The following EPHB1 variants were observed in gnomAD, a reference collection of about 807,000 sequenced individuals.
EPHB1 encodes ephrin type-B receptor 1.
EPHB1 carries 30 observed loss-of-function variants against 94.4 expected under a neutral mutation model. The observed-to-expected ratio is 0.32, with a 90% CI of 0.24 to 0.43. The LOEUF is 0.43. EPHB1 is among the 20% of genes least tolerant of loss of function. The probability of loss-of-function intolerance (pLI) is 1.00; values close to 1 mark genes in which losing one functional copy is unlikely to be tolerated. For missense variants in EPHB1, 1,055 were observed against 1,308.3 expected (o/e 0.81, Z 2.99); for synonymous variants, 522 against 489.1 (o/e 1.07, Z -0.89).
chr3:135,063,702 T>C (rs988888374), intron 3 of EPHB1, among the ~76,000 whole-genome samples: 1 of 152,180 alleles, frequency 6.6e-6, no homozygotes, highest in African/African-American at 2.4e-5. Flanking sequence ...GTCTGATTGC[T>C]CTGGCTAGAA....
chr3:135,192,014 C>T (rs914245582), intron 10 of EPHB1, among the ~76,000 whole-genome samples: 13 of 152,228 alleles, frequency 8.5e-5, no homozygotes, highest in Non-Finnish European at 1.8e-4. Flanking sequence ...TCCGCCCAAT[C>T]CTGCTTCCTC....
At chr3:135,234,494 T>C (rs1943602466) in intron 12 of EPHB1, among the ~76,000 whole-genome samples, 2 of 152,192 alleles carry the variant, frequency 1.3e-5, no homozygotes, top group Admixed American at 1.3e-4. Context: ...TGTTACTCAG[T>C]TCCAAAGTCA....
intron 1 of EPHB1, among the ~76,000 whole-genome samples, chr3:134,898,045 G>A (rs2038120667): frequency 6.6e-6 from 1 of 152,124 alleles, no homozygotes; most frequent in Admixed American, 6.5e-5. Context: ...ATAAATCAAT[G>A]TTATCTCTTG....
intron 3 of EPHB1, among the ~76,000 whole-genome samples, chr3:135,087,944 C>A (rs1938418720): frequency 6.6e-6 from 1 of 152,166 alleles, no homozygotes; most frequent in East Asian, 1.9e-4. Context: ...TACCCAGCAG[C>A]CACATCCATG....
At chr3:134,878,051 A>T (rs2037653648) in intron 1 of EPHB1, among the ~76,000 whole-genome samples, 1 of 152,018 alleles carries the variant, frequency 6.6e-6, no homozygotes, top group Admixed American at 6.5e-5. Context: ...CATGGAGATT[A>T]CCCCAGCCTT....
chr3:134,819,091 G>T (rs2036329988), intron 1 of EPHB1, among the ~76,000 whole-genome samples: 1 of 152,134 alleles, frequency 6.6e-6, no homozygotes, highest in African/African-American at 2.4e-5. Context: ...GATAGAAAGG[G>T]GTCTAAACAT....
intron 3 of EPHB1, among the ~76,000 whole-genome samples, chr3:134,974,076 G>T (rs1934088053): frequency 6.6e-6 from 1 of 152,128 alleles, no homozygotes; most frequent in Non-Finnish European, 1.5e-5. Flanking sequence ...TGGGCTGGAG[G>T]AATATCCCAT....
chr3:134,872,819 A>T (rs893022127), intron 1 of EPHB1, among the ~76,000 whole-genome samples: 10 of 152,220 alleles, frequency 6.6e-5, no homozygotes, highest in Middle Eastern at 3.4e-3. Context: ...CAGACTGGGC[A>T]CTCCACGAGG....
intron 3 of EPHB1, among the ~76,000 whole-genome samples, chr3:135,073,142 G>C (rs1937784435): frequency 1.3e-5 from 2 of 151,090 alleles, no homozygotes; most frequent in Admixed American, 6.6e-5. Flanking sequence ...TTTTTTTCTA[G>C]GGTTAATTCT....
intron 3 of EPHB1, among the ~76,000 whole-genome samples, chr3:134,987,048 T>A (rs1287091676): frequency 1.3e-5 from 2 of 152,048 alleles, no homozygotes; most frequent in Admixed American, 6.6e-5. Flanking sequence ...ACACAACCCA[T>A]CAAGATACTT....
intron 1 of EPHB1, among the ~76,000 whole-genome samples, chr3:134,895,987 G>A (rs2107687498): frequency 6.6e-6 from 1 of 152,188 alleles, no homozygotes; most frequent in East Asian, 1.9e-4. Flanking sequence ...TAGGGGCTGG[G>A]GAGAAGCAAG....
In EPHB1 at chr3:135,192,894, T is replaced by C; in HGVS notation, c.2130+71T>C. On this transcript the variant is annotated intron_variant, in intron 11 of 15. Transcript: ENST00000398015. ...ATGATGGCTGGGGAGAGGGGTTCCA[T>C]GAGCACAACCTACCAATCAGGAATC... The C allele has an allele frequency of 1.9e-6, 3 of 1,568,272 alleles. No individual in the cohort carries two copies. In the East Asian group the frequency reaches 6.8e-5, roughly 35 times the overall value.
chr3:135,192,976 A>G (rs1293897872), intron 11 of EPHB1, among the ~76,000 whole-genome samples, 153 bp downstream of exon 11: 1 of 152,194 alleles, frequency 6.6e-6, no homozygotes, highest in Non-Finnish European at 1.5e-5. Context: ...TTGCTAAAAG[A>G]AGAGAACAAA....
chr3:135,037,292 G>A (rs895234393), intron 3 of EPHB1, among the ~76,000 whole-genome samples: 2 of 152,216 alleles, frequency 1.3e-5, no homozygotes, highest in East Asian at 1.9e-4. Flanking sequence ...ATCAGACTGT[G>A]GCCTCTGGGG....
At chr3:134,905,006 G>A (rs906027688) in intron 1 of EPHB1, among the ~76,000 whole-genome samples, 2 of 152,188 alleles carry the variant, frequency 1.3e-5, no homozygotes, top group African/African-American at 4.8e-5. Flanking sequence ...CTCTACAGGA[G>A]CTGAAACTGT....
rs371334171 is a variant in EPHB1 at position 135,241,230 on chromosome 3, A to G, written c.2429A>G (p.Tyr810Cys). ...ACTTCAGCCAGCGACGTTTGGAGCTATGGGATCGTCATGTGGGAAGTCATG... is the reference window on the plus strand; with the variant it reads ...ACTTCAGCCAGCGACGTTTGGAGCTGTGGGATCGTCATGTGGGAAGTCATG... ...KFTSASDVWS[Y>C]GIVMWEVMSF... The change falls in exon 13 of 16, where the codon TAT becomes TGT. Residue 810 changes from tyrosine (Y) to cysteine (C), a missense_variant. By Grantham distance (194) the Tyr-to-Cys change is radical (BLOSUM62 -2). Coordinates refer to ENST00000398015, the MANE Select transcript of EPHB1 (RefSeq NM_004441.5). 5 of 1,614,068 alleles carry G rather than the reference A, an allele frequency of 3.1e-6. No individual in the cohort carries two copies. Among genetic ancestry groups the G allele is most frequent in the Non-Finnish European group, 4.2e-6 (5 of 1,180,038 alleles).
At chr3:135,044,877 T>A (rs1201328554) in intron 3 of EPHB1, among the ~76,000 whole-genome samples, 1 of 152,118 alleles carries the variant, frequency 6.6e-6, no homozygotes, top group Non-Finnish European at 1.5e-5. Flanking sequence ...TTTTTTCCAA[T>A]TTTTTTTCTT....
At chr3:135,035,171 C>G (rs976675863) in intron 3 of EPHB1, among the ~76,000 whole-genome samples, 9 of 152,200 alleles carry the variant, frequency 5.9e-5, no homozygotes, top group Non-Finnish European at 2.9e-5. Context: ...GCTGCCCACA[C>G]GAAGTGGGGA....
chr3:135,041,897 GAC>G (rs1491354561), intron 3 of EPHB1, among the ~76,000 whole-genome samples: 4 of 151,848 alleles, frequency 2.6e-5, no homozygotes, highest in Admixed American at 1.3e-4. Flanking sequence ...GAGAGAGAGA[GAC>G]AGAGAGCACA....
Sources: gnomAD v4.1 joint callset for allele counts (sites outside exome capture counted in the v4.1 genomes callset) on GRCh38, gnomAD v4.1.1 for gene constraint, MANE v1.5 for transcripts, NCBI Gene and HGNC (gene_info 2026-07-23, HGNC 2026-07-21) for gene names.